The following TYW1B variants were observed in gnomAD, a reference collection of about 807,000 sequenced individuals.
The protein encoded by TYW1B is tRNA-yW synthesizing protein 1 homolog B, also known as S-adenosyl-L-methionine-dependent tRNA 4-demethylwyosine synthase TYW1B.
In TYW1B, 73 loss-of-function variants were observed where a neutral mutation model predicts 86.9. That is an observed-to-expected ratio of 0.84 (90% CI 0.70 to 1.02). The LOEUF (loss-of-function observed/expected upper bound fraction) is 1.02. Among genes scored for constraint, TYW1B ranks in the 50% least tolerant of loss-of-function variants. The pLI, the probability that TYW1B is intolerant of heterozygous loss-of-function variation, is 0.00. For synonymous variants in TYW1B, 248 were observed against 292.8 expected (o/e 0.85, Z 1.56); for missense variants, 637 against 827.4 (o/e 0.77, Z 2.82).
chr7:72,682,379 T>C (rs1813897232), intron 11 of TYW1B, among the ~76,000 whole-genome samples: 1 of 152,168 alleles, frequency 6.6e-6, no homozygotes, highest in Non-Finnish European at 1.5e-5. Context: ...GAATGCTAAG[T>C]TATATCCCAA....
At chr7:72,728,585 A>G (rs1322410788) in intron 9 of TYW1B, among the ~76,000 whole-genome samples, 1 of 152,210 alleles carries the variant, frequency 6.6e-6, no homozygotes, top group African/African-American at 2.4e-5. Flanking sequence ...GGGATTAGAC[A>G]GGCGTGAGCC....
chr7:72,634,291 G>A (rs1554440436), intron 11 of TYW1B, among the ~76,000 whole-genome samples: 1 of 149,384 alleles, frequency 6.7e-6, no homozygotes, highest in African/African-American at 2.5e-5. Context: ...GGATCCTCCT[G>A]TCTCAGCCTC....
chr7:72,646,041 A>G (rs1271698352), intron 11 of TYW1B, among the ~76,000 whole-genome samples: 1 of 147,254 alleles, frequency 6.8e-6, no homozygotes, highest in Non-Finnish European at 1.5e-5. Flanking sequence ...TCCAAATTTT[A>G]AAAGTCTTTT....
At chr7:72,728,101 A>G (rs1787035768) in intron 9 of TYW1B, among the ~76,000 whole-genome samples, 1 of 152,000 alleles carries the variant, frequency 6.6e-6, no homozygotes, top group Non-Finnish European at 1.5e-5. Context: ...TTTTTTTTAA[A>G]TAAGGAATTC....
chr7:72,799,091 C>T (rs71554645), intron 6 of TYW1B, among the ~76,000 whole-genome samples: 102,540 of 149,436 alleles, frequency 0.69, 36,119 homozygotes, highest in Non-Finnish European at 0.77. Flanking sequence ...GATCCACCTG[C>T]CTTGGCCTCT....
At position 72,616,022 on chromosome 7, in the gene TYW1B, G is replaced by C. The variant is rs1310506893; in HGVS notation, c.1785+650C>G. Among the ~76,000 whole-genome samples the C allele has an allele frequency of 3.3e-5, 5 of 152,132 alleles. No individual in the cohort carries two copies. The South Asian group carries it at 1.0e-3, about 31-fold the overall frequency. ...GGAGTCCTAGAGGAGAACATATAATGAGAAAGAATAAGTATTTAAAGAAAT... is the reference window on the plus strand; with the variant it reads ...GGAGTCCTAGAGGAGAACATATAATCAGAAAGAATAAGTATTTAAAGAAAT... On this transcript the variant is annotated intron_variant, in intron 13 of 13. Coordinates refer to ENST00000620995, the MANE Select transcript of TYW1B (RefSeq NM_001145440.3).
chr7:72,768,640 A>T (rs1787814804), intron 7 of TYW1B, among the ~76,000 whole-genome samples: 1 of 151,910 alleles, frequency 6.6e-6, no homozygotes, highest in African/African-American at 2.4e-5. Flanking sequence ...ACAAAAAATT[A>T]GCCAGGCATG....
At chr7:72,712,536 C>G (rs1394379348) in intron 10 of TYW1B, among the ~76,000 whole-genome samples, 1 of 152,224 alleles carries the variant, frequency 6.6e-6, no homozygotes, top group African/African-American at 2.4e-5. Flanking sequence ...CCATGTTGGT[C>G]AGGCTGGTCT....
intron 8 of TYW1B, among the ~76,000 whole-genome samples, chr7:72,742,999 G>A (rs1218387986): frequency 6.6e-6 from 1 of 152,124 alleles, no homozygotes; most frequent in African/African-American, 2.4e-5. Flanking sequence ...GCCATTAGAT[G>A]GCTAATAGTG....
chr7:72,677,097 A>G (rs1813753373), intron 11 of TYW1B, among the ~76,000 whole-genome samples: 1 of 152,194 alleles, frequency 6.6e-6, no homozygotes, highest in African/African-American at 2.4e-5. Flanking sequence ...ATACTTTAGA[A>G]GGGTGAACTT....
chr7:72,679,045 T>A (rs1184854154), intron 11 of TYW1B, among the ~76,000 whole-genome samples: 2 of 152,068 alleles, frequency 1.3e-5, no homozygotes, highest in Non-Finnish European at 2.9e-5. Context: ...GAGACTGCAG[T>A]GAGCCGTGAT....
At chr7:72,661,271 C>G (rs1892746) in intron 11 of TYW1B, among the ~76,000 whole-genome samples, 10,720 of 90,754 alleles carry the variant, frequency 0.12, 1,387 homozygotes, top group African/African-American at 0.29. Context: ...GTGTTAGAAA[C>G]TAAGTTTGAA....
intron 12 of TYW1B, among the ~76,000 whole-genome samples, chr7:72,622,761 CCA>C (rs1162287608): frequency 2.0e-5 from 3 of 151,410 alleles, no homozygotes; most frequent in East Asian, 1.9e-4. Context: ...AGTGCACACA[CCA>C]CACACATGCA....
intron 12 of TYW1B, among the ~76,000 whole-genome samples, chr7:72,625,727 G>C (rs1419675700): frequency 2.0e-5 from 3 of 152,100 alleles, no homozygotes; most frequent in Admixed American, 6.6e-5. Context: ...ATTTCCTAGT[G>C]ATGTTCATAG....
intron 12 of TYW1B, among the ~76,000 whole-genome samples, chr7:72,619,237 A>G (rs1302836909): frequency 6.6e-6 from 1 of 152,196 alleles, no homozygotes; most frequent in Non-Finnish European, 1.5e-5. Context: ...TTCCCCCCTC[A>G]AAAACCCTAT....
chr7:72,717,379 A>T (rs1554456373), intron 9 of TYW1B, among the ~76,000 whole-genome samples: 2 of 151,988 alleles, frequency 1.3e-5, no homozygotes, highest in Non-Finnish European at 2.9e-5. Flanking sequence ...TCCACCAGGC[A>T]CCACTTTATT....
At chr7:72,773,139 C>A (rs1375443999) in intron 7 of TYW1B, among the ~76,000 whole-genome samples, 1 of 152,044 alleles carries the variant, frequency 6.6e-6, no homozygotes, top group African/African-American at 2.4e-5. Flanking sequence ...TTTTCTCTCC[C>A]AAGATACATA....
At chr7:72,625,093 A>C (rs151053376) in intron 12 of TYW1B, among the ~76,000 whole-genome samples, 2,215 of 151,970 alleles carry the variant, frequency 0.015, 66 homozygotes, top group African/African-American at 0.048. Flanking sequence ...GTGGTTATAC[A>C]TTTCTCCAAG....
chr7:72,746,239 TAA>T lies in TYW1B; in HGVS notation c.965-1640_965-1639del, dbSNP rs371908119. ...CTTTTAACTATTTTTTGTTCTAATTTAAAAAAAAAAGTTTCCCTGTCCATCTT... is the reference window on the plus strand; with the variant it reads ...CTTTTAACTATTTTTTGTTCTAATTTAAAAAAAAGTTTCCCTGTCCATCTT... On this transcript the variant is annotated intron_variant, in intron 7 of 13. Coordinates refer to ENST00000620995, the MANE Select transcript of TYW1B (RefSeq NM_001145440.3). Among the ~76,000 whole-genome samples, 136 of 149,104 alleles carry T rather than the reference TAA, an allele frequency of 9.1e-4. 2 individuals are homozygous for T. The East Asian group carries it at 0.021, about 23-fold the overall frequency.
Sources: allele counts gnomAD v4.1 joint callset (sites outside exome capture counted in the v4.1 genomes callset), GRCh38; gene constraint gnomAD v4.1.1; transcripts MANE v1.5; gene names NCBI Gene and HGNC (gene_info 2026-07-23, HGNC 2026-07-21).